RABGEF1: variants seen among roughly 807,000 people sequenced by gnomAD.
RABGEF1 encodes RAB guanine nucleotide exchange factor 1.
RABGEF1 carries 26 observed loss-of-function variants against 57.3 expected under a neutral mutation model. The observed-to-expected ratio is 0.45, with a 90% CI of 0.33 to 0.63. The LOEUF is 0.63. Among genes scored for constraint, RABGEF1 ranks in the 20% least tolerant of loss-of-function variants. RABGEF1 has a pLI of 0.02. For synonymous variants in RABGEF1, 185 were observed against 210.7 expected, an observed-to-expected ratio of 0.88 and a Z score of 1.06; for missense variants, 464 against 607.6, an observed-to-expected ratio of 0.76 and a Z score of 2.48.
chr7:66,756,575 A>G (rs1270964135), intron 1 of RABGEF1, among the ~76,000 whole-genome samples: 2 of 151,796 alleles, frequency 1.3e-5, no homozygotes, highest in East Asian at 3.9e-4. Flanking sequence ...TTTTTTTTCT[A>G]GTCCCTTATT....
intron 3 of RABGEF1, among the ~76,000 whole-genome samples, chr7:66,779,086 G>T (rs147509165): frequency 6.6e-6 from 1 of 151,894 alleles, no homozygotes; most frequent in Non-Finnish European, 1.5e-5. Context: ...CTCCAGCCTG[G>T]GCAACAAAGT....
the RABGEF1 span, among the ~76,000 whole-genome samples, chr7:66,658,597 T>G: frequency 6.7e-6 from 1 of 150,088 alleles, no homozygotes; most frequent in Admixed American, 6.6e-5. Flanking sequence ...GAAGATTAAA[T>G]TACCAATAAA....
intron 1 of RABGEF1, among the ~76,000 whole-genome samples, chr7:66,711,405 A>ATTTTT (rs202115107): frequency 2.2e-5 from 3 of 138,234 alleles, no homozygotes; most frequent in Non-Finnish European, 3.2e-5. Flanking sequence ...TTTTGTGCTA[A>ATTTTT]TTTTTTTTTT....
Position 66,809,872 on chromosome 7 carries a change from T to G in RABGEF1, c.*588T>G, listed in dbSNP as rs185076386. ...CCACTAAAATGACTCGAGAAGTGTTTAGACAAACTCCCCTTAAGATGTGCA... is the reference window on the plus strand; with the variant it reads ...CCACTAAAATGACTCGAGAAGTGTTGAGACAAACTCCCCTTAAGATGTGCA... On this transcript the variant is annotated 3_prime_UTR_variant, in exon 9 of 9. Transcript: ENST00000284957. 1 of 152,700 alleles carries G rather than the reference T, an allele frequency of 6.5e-6. No individual in the cohort carries two copies. The highest frequency in any genetic ancestry group is 2.1e-4 in the South Asian group (1 of 4,830). The allele number at this position is 152,700 out of a possible 1,614,324, so 9.5% of individuals were successfully genotyped here.
At chr7:66,797,542 C>A (rs1421998171) in intron 6 of RABGEF1, 36 bp downstream of exon 6, 5 of 1,592,174 alleles carry the variant, frequency 3.1e-6, no homozygotes, top group Non-Finnish European at 4.3e-6. Context: ...GTAGTTACTA[C>A]CTTCTAATGG....
the RABGEF1 span, among the ~76,000 whole-genome samples, chr7:66,661,049 C>T: frequency 6.6e-6 from 1 of 152,030 alleles, no homozygotes; most frequent in Non-Finnish European, 1.5e-5. Flanking sequence ...GTGGCCCATG[C>T]CTGTAACCCC....
At chr7:66,662,478 C>G in the RABGEF1 span, among the ~76,000 whole-genome samples, 1 of 152,198 alleles carries the variant, frequency 6.6e-6, no homozygotes, top group African/African-American at 2.4e-5. Flanking sequence ...TGAGAAACTT[C>G]TACCTGTCCC....
At chr7:66,734,961 C>T (rs1797778799) in intron 2 of RABGEF1, among the ~76,000 whole-genome samples, 1 of 152,074 alleles carries the variant, frequency 6.6e-6, no homozygotes, top group African/African-American at 2.4e-5. Context: ...TCTTCTTTTG[C>T]TAGAACATTT....
the RABGEF1 span, among the ~76,000 whole-genome samples, chr7:66,656,075 G>A: frequency 6.6e-6 from 1 of 152,132 alleles, no homozygotes; most frequent in Non-Finnish European, 1.5e-5. Context: ...GTGGAATGAG[G>A]GGAATCAAAG....
At chr7:66,698,103 C>A (rs1052314861) in intron 1 of RABGEF1, among the ~76,000 whole-genome samples, 9 of 151,840 alleles carry the variant, frequency 5.9e-5, no homozygotes, top group Non-Finnish European at 1.3e-4. Context: ...AGCCACGCAC[C>A]CCCCCCACCC....
At position 66,809,368 on chromosome 7, in the gene RABGEF1, A is replaced by C; in HGVS notation, c.*84A>C. 7.1e-7 allele frequency: 1 copy of C among 1,403,484 alleles called. No homozygotes were observed. The highest frequency in any genetic ancestry group is 9.5e-7 in the Non-Finnish European group (1 of 1,055,696). 86.9% of individuals were successfully genotyped at this position (1,403,484 alleles called of 1,614,324 possible). ...TCAACTGATTGGGATCTAGAATGTAACTAAATTGCTTATAAATGTCAGCAT... is the reference window on the plus strand; with the variant it reads ...TCAACTGATTGGGATCTAGAATGTACCTAAATTGCTTATAAATGTCAGCAT... On this transcript the variant is annotated 3_prime_UTR_variant, in exon 9 of 9. Coordinates refer to ENST00000284957, the MANE Select transcript of RABGEF1 (RefSeq NM_014504.3).
chr7:66,808,955 C>G lies in RABGEF1; in HGVS notation c.1147C>G (p.Arg383Gly), dbSNP rs777685946. Residue 383 changes from arginine to glycine, a missense_variant, in exon 9 of 9, where the codon CGC (arginine) becomes GGC (glycine). Physicochemically the swap from Arg to Gly is moderately radical, Grantham distance 125. Coordinates refer to ENST00000284957, the MANE Select transcript of RABGEF1 (RefSeq NM_014504.3). The stretch of plus-strand genomic sequence containing the variant: ...GAATCTAAGTCAGGAGGATTTTGAT[C>G]GCTACATGTCTGGCCAGACCTCTCC... ...SLNLSQEDFD[R>G]YMSGQTSPRK... 1 of 1,613,574 alleles carries G rather than the reference C, an allele frequency of 6.2e-7. No individual in the cohort carries two copies. Among genetic ancestry groups the G allele is most frequent in the Non-Finnish European group, 8.5e-7 (1 of 1,179,640 alleles).
chr7:66,709,228 C>T (rs1794500942), intron 1 of RABGEF1, among the ~76,000 whole-genome samples: 1 of 152,002 alleles, frequency 6.6e-6, no homozygotes, highest in South Asian at 2.1e-4. Context: ...AGGCTGGTCT[C>T]GAAATCCTGA....
intron 1 of RABGEF1, among the ~76,000 whole-genome samples, chr7:66,687,483 CAAAA>C (rs67647811): frequency 2.1e-4 from 25 of 120,824 alleles, no homozygotes; most frequent in Admixed American, 2.5e-4. Context: ...TTGTTTAAGC[CAAAA>C]AAAAAAAAAA....
At chr7:66,670,675 A>G in the RABGEF1 span, among the ~76,000 whole-genome samples, 1 of 151,802 alleles carries the variant, frequency 6.6e-6, no homozygotes, top group Non-Finnish European at 1.5e-5. Flanking sequence ...ATGAAACCCC[A>G]TCTCTACTAA....
intron 3 of RABGEF1, among the ~76,000 whole-genome samples, chr7:66,778,130 C>A (rs1435799469): frequency 2.6e-5 from 4 of 152,054 alleles, no homozygotes; most frequent in Admixed American, 1.3e-4. Flanking sequence ...GCCTAAGTGC[C>A]GTTTTAATGT....
chr7:66,745,476 C>T (rs1191895346), intron 1 of RABGEF1, among the ~76,000 whole-genome samples: 1 of 151,916 alleles, frequency 6.6e-6, no homozygotes, highest in Non-Finnish European at 1.5e-5. Flanking sequence ...GTAAAGTTAT[C>T]ACACCATAGG....
At chr7:66,696,602 AT>A (rs1361755456) in intron 1 of RABGEF1, among the ~76,000 whole-genome samples, 2 of 150,334 alleles carry the variant, frequency 1.3e-5, no homozygotes, top group African/African-American at 4.9e-5. Flanking sequence ...AGGCAGGAGG[AT>A]CACTTGAACC....
At chr7:66,765,151 G>T (rs894316753) in intron 1 of RABGEF1, among the ~76,000 whole-genome samples, 9 of 151,508 alleles carry the variant, frequency 5.9e-5, no homozygotes, top group African/African-American at 2.2e-4. Context: ...TGAAAAGGTG[G>T]AGAATGATAG....
Sources: allele counts gnomAD v4.1 joint callset (sites outside exome capture counted in the v4.1 genomes callset), GRCh38; gene constraint gnomAD v4.1.1; transcripts MANE v1.5; gene names NCBI Gene and HGNC (gene_info 2026-07-23, HGNC 2026-07-21).